Variants in RPTOR observed in about 807,000 individuals in gnomAD.
RPTOR encodes regulatory associated protein of MTOR complex 1.
In RPTOR, 21 loss-of-function variants were observed where a neutral mutation model predicts 169.9. That is an observed-to-expected ratio of 0.12 (90% CI 0.09 to 0.18). The LOEUF (loss-of-function observed/expected upper bound fraction) is 0.18, where lower values mean the gene tolerates loss of function less well. Ranked by LOEUF, RPTOR falls within the 10% of genes least tolerant of loss-of-function variation. The pLI, the probability that RPTOR is intolerant of heterozygous loss-of-function variation, is 1.00. For synonymous variants in RPTOR, 732 were observed against 753.2 expected, an observed-to-expected ratio of 0.97 and a Z score of 0.46; for missense variants, 1,133 against 1,855.9, an observed-to-expected ratio of 0.61 and a Z score of 7.16.
intron 10 of RPTOR, among the ~76,000 whole-genome samples, chr17:80,841,394 A>ACACT (rs1555625669): frequency 2.0e-5 from 2 of 98,824 alleles, no homozygotes; most frequent in African/African-American, 4.1e-5. Flanking sequence ...ACGGCAGCTC[A>ACACT]CACCGCACGG....
At chr17:80,837,234 G>C (rs1356732149) in intron 9 of RPTOR, among the ~76,000 whole-genome samples, 1 of 152,142 alleles carries the variant, frequency 6.6e-6, no homozygotes, top group Non-Finnish European at 1.5e-5. Context: ...ACTGTGGCTT[G>C]GGGGGAGCAG....
intron 22 of RPTOR, 69 bp from the exon 23 acceptor site, chr17:80,923,421 G>A (rs1490676529): frequency 3.2e-6 from 5 of 1,580,044 alleles, no homozygotes; most frequent in Middle Eastern, 1.7e-4. Context: ...CCAGGAAGTT[G>A]TTCCATGTTC....
intron 1 of RPTOR, among the ~76,000 whole-genome samples, chr17:80,580,281 G>A (rs1446336179): frequency 6.6e-6 from 1 of 152,138 alleles, no homozygotes; most frequent in Non-Finnish European, 1.5e-5. Flanking sequence ...TATGGTTTCT[G>A]GAAGTGATAG....
chr17:80,925,998 G>A (rs1045460769), intron 24 of RPTOR, among the ~76,000 whole-genome samples: 9 of 152,220 alleles, frequency 5.9e-5, no homozygotes, highest in South Asian at 2.1e-4. Context: ...GGAATGGGGC[G>A]GGAGCTGCTT....
At chr17:80,559,629 C>T (rs933968605) in intron 1 of RPTOR, among the ~76,000 whole-genome samples, 2 of 152,184 alleles carry the variant, frequency 1.3e-5, no homozygotes, top group Non-Finnish European at 2.9e-5. Context: ...TCTTGTTTAC[C>T]TCTGTTTCTC....
rs1205745009 is a variant in RPTOR at position 80,651,290 on chromosome 17, A to G, written c.348+7480A>G. Among the ~76,000 whole-genome samples the G allele has an allele frequency of 6.6e-6, 1 of 152,222 alleles. No individual in the cohort carries two copies. The highest frequency in any genetic ancestry group is 1.5e-5 in the Non-Finnish European group (1 of 68,042). Reference sequence around the variant, plus strand: ...GAGGAACCCACCGTATGCTCGCCATATGCAACTAGGAAGAGTTGTAAAATC... The same window carrying G: ...GAGGAACCCACCGTATGCTCGCCATGTGCAACTAGGAAGAGTTGTAAAATC... On this transcript the variant is annotated intron_variant, in intron 3 of 33. Coordinates refer to ENST00000306801, the MANE Select transcript of RPTOR (RefSeq NM_020761.3). The surrounding 1 kb of genome is among the most constrained non-coding windows in gnomAD (Gnocchi z 4.1).
At chr17:80,670,205 A>G (rs1407301928) in intron 3 of RPTOR, among the ~76,000 whole-genome samples, 1 of 152,192 alleles carries the variant, frequency 6.6e-6, no homozygotes, top group Non-Finnish European at 1.5e-5. Flanking sequence ...TCTTGTCACA[A>G]CTGTCTCATT....
chr17:80,911,966 A>C (rs1381401625), intron 21 of RPTOR, among the ~76,000 whole-genome samples: 2 of 152,212 alleles, frequency 1.3e-5, no homozygotes, highest in Non-Finnish European at 2.9e-5. Flanking sequence ...GAGGCCTCTC[A>C]GATGAGCTGA....
rs2084257773 is a variant in RPTOR at position 80,545,120 on chromosome 17, G to C, written c.-510G>C. On this transcript the variant is annotated 5_prime_UTR_variant, in exon 1 of 34. Coordinates refer to ENST00000306801, the MANE Select transcript of RPTOR (RefSeq NM_020761.3). ...GTTGCAGCAGCTCAGACGAGTGCGG[G>C]ACCCGCAGGGCTGAGAGTGGCTGGA... 1 of 233,912 alleles carries C rather than the reference G, an allele frequency of 4.3e-6. No individual in the cohort carries two copies. The highest frequency in any genetic ancestry group is 1.8e-4 in the South Asian group (1 of 5,566). The allele number at this position is 233,912 out of a possible 1,614,324, so 14.5% of individuals were successfully genotyped here. A position where few individuals can be genotyped will look rare whatever the true frequency, so the allele number is the denominator to read the frequency against.
chr17:80,645,979 C>T (rs922421084), intron 3 of RPTOR, among the ~76,000 whole-genome samples: 6 of 152,160 alleles, frequency 3.9e-5, no homozygotes, highest in Non-Finnish European at 8.8e-5. Context: ...AGTAAGAGAT[C>T]GTTTGAAGGG....
At chr17:80,557,634 A>G (rs954565878) in intron 1 of RPTOR, among the ~76,000 whole-genome samples, 3 of 152,308 alleles carry the variant, frequency 2.0e-5, no homozygotes, top group South Asian at 2.1e-4. Flanking sequence ...GTCTAAATAT[A>G]TGGAAAATGG....
At chr17:80,732,620 T>C (rs997472221) in intron 5 of RPTOR, among the ~76,000 whole-genome samples, 3 of 152,262 alleles carry the variant, frequency 2.0e-5, no homozygotes, top group African/African-American at 7.2e-5. Context: ...TAATTAGCTC[T>C]GATTTTTATC....
chr17:80,616,943 C>T (rs138610341), intron 1 of RPTOR, among the ~76,000 whole-genome samples: 261 of 152,302 alleles, frequency 1.7e-3, no homozygotes, highest in Non-Finnish European at 2.9e-3. Context: ...CTTGGATACT[C>T]GCCCAAGCTT....
chr17:80,652,610 C>T (rs576207709), intron 3 of RPTOR, among the ~76,000 whole-genome samples: 6 of 152,356 alleles, frequency 3.9e-5, no homozygotes, highest in Admixed American at 2.6e-4. Flanking sequence ...AGCTGAAAAA[C>T]ATTCCATTGT....
chr17:80,829,633 G>GGC (rs1378496469), intron 9 of RPTOR, among the ~76,000 whole-genome samples: 1 of 152,112 alleles, frequency 6.6e-6, no homozygotes, highest in Non-Finnish European at 1.5e-5. Flanking sequence ...CAGCATGGGG[G>GGC]GCGGCCCGTA....
chr17:80,559,636 TC>T (rs1206392532), intron 1 of RPTOR, among the ~76,000 whole-genome samples: 1 of 152,184 alleles, frequency 6.6e-6, no homozygotes, highest in Non-Finnish European at 1.5e-5. Flanking sequence ...TACCTCTGTT[TC>T]TCTGTGTATG....
intron 4 of RPTOR, among the ~76,000 whole-genome samples, chr17:80,727,702 G>A (rs1328160566): frequency 6.6e-6 from 1 of 152,240 alleles, no homozygotes; most frequent in Non-Finnish European, 1.5e-5. Context: ...TTAGAAGAGA[G>A]AGAAAATCAG....
Position 80,605,012 on chromosome 17 carries a change from G to A in RPTOR, c.163-20679G>A, listed in dbSNP as rs7222238. Among the ~76,000 whole-genome samples the A allele has an allele frequency of 3.4e-3, 512 of 150,270 alleles. 1 individual carries two copies. The highest frequency in any genetic ancestry group is 0.012 in the African/African-American group (484 of 40,736). On this transcript the variant is annotated intron_variant, in intron 1 of 33. Transcript: ENST00000306801. ...TGGGCTCATGTGATCCTCTTGCCTC[G>A]TCCTCCCAAAGTGCTGGGATTATAG... is the stretch of plus-strand genomic sequence containing the variant.
In RPTOR at chr17:80,823,663, A is replaced by G; in HGVS notation, c.1136+440A>G. ...TTCTCACACACACACACACACACAC[A>G]CACACACACACACACAACGCTCATA... On this transcript the variant is annotated intron_variant, in intron 9 of 33. Transcript: ENST00000306801. This position sits in a 1 kb window ranked among gnomAD's most constrained non-coding sequence, Gnocchi z 4.5. 6.1e-6 allele frequency: 1 copy of G among 164,788 alleles called. No homozygotes were observed. Among genetic ancestry groups the G allele is most frequent in the Non-Finnish European group, 1.3e-5 (1 of 74,346 alleles). 10.2% of individuals were successfully genotyped at this position (164,788 alleles called of 1,614,324 possible). A position where few individuals can be genotyped will look rare whatever the true frequency, so the allele number is the denominator to read the frequency against.
Sources: allele counts gnomAD v4.1 joint callset (sites outside exome capture counted in the v4.1 genomes callset), GRCh38; gene constraint gnomAD v4.1.1; non-coding constraint Gnocchi (gnomAD v3.1); transcripts MANE v1.5; gene names NCBI Gene and HGNC (gene_info 2026-07-23, HGNC 2026-07-21).